The following PATJ variants were observed in gnomAD, a reference collection of about 807,000 sequenced individuals.
The protein encoded by PATJ is inaD-like protein.
A neutral mutation model predicts 224.9 loss-of-function variants in PATJ; 190 were observed. The ratio of observed to expected loss-of-function variants is 0.84; its 90% CI spans 0.75 to 0.95. The LOEUF is 0.95. Ranked by LOEUF, PATJ falls within the 40% of genes least tolerant of loss-of-function variation. PATJ has a pLI of 0.00. For synonymous variants in PATJ, 769 were observed against 820.3 expected, an observed-to-expected ratio of 0.94 and a Z score of 1.07; for missense variants, 2,121 against 2,270.3, an observed-to-expected ratio of 0.93 and a Z score of 1.34.
At chr1:61,821,940 G>A (rs1657353390) in intron 14 of PATJ, among the ~76,000 whole-genome samples, 1 of 152,138 alleles carries the variant, frequency 6.6e-6, no homozygotes, top group Non-Finnish European at 1.5e-5. Flanking sequence ...CTCGACATTG[G>A]CTAGAGTTTC....
chr1:62,059,604 G>A (rs1370277670), intron 31 of PATJ, among the ~76,000 whole-genome samples: 3 of 151,476 alleles, frequency 2.0e-5, no homozygotes, highest in South Asian at 2.1e-4. Context: ...GTGAGAGAGC[G>A]AGACTCCATC....
At chr1:62,100,924 G>A (rs2148832780) in intron 33 of PATJ, among the ~76,000 whole-genome samples, 1 of 152,278 alleles carries the variant, frequency 6.6e-6, no homozygotes, top group East Asian at 1.9e-4. Context: ...AACTTTATCA[G>A]GGGAGGGAGT....
At chr1:61,945,569 A>G (rs1678563145) in intron 27 of PATJ, among the ~76,000 whole-genome samples, 6 of 152,216 alleles carry the variant, frequency 3.9e-5, no homozygotes, top group Admixed American at 3.9e-4. Context: ...GAGCACCCAG[A>G]TTGCTAAAGC....
At chr1:61,887,414 A>G (rs1290398244) in intron 22 of PATJ, among the ~76,000 whole-genome samples, 1 of 152,226 alleles carries the variant, frequency 6.6e-6, no homozygotes. Context: ...TTTACTACTA[A>G]GAGTGATGAA....
intron 27 of PATJ, among the ~76,000 whole-genome samples, chr1:61,932,494 A>G (rs892602717): frequency 7.2e-5 from 11 of 152,204 alleles, no homozygotes; most frequent in Non-Finnish European, 1.3e-4. Flanking sequence ...CTGACCTTCA[A>G]TGGTCAAGGG....
intron 26 of PATJ, among the ~76,000 whole-genome samples, chr1:61,916,830 ATTAGT>A (rs1673517207): frequency 6.6e-6 from 1 of 152,104 alleles, no homozygotes; most frequent in Non-Finnish European, 1.5e-5. Context: ...GGGAATGCTG[ATTAGT>A]TTGGTTGGTG....
chr1:61,855,894 T>G, intron 17 of PATJ, 136 bp from the exon 18 acceptor site: 2 of 654,094 alleles, frequency 3.1e-6, no homozygotes, highest in South Asian at 1.9e-5. Flanking sequence ...TTTACCTGTT[T>G]AGAAGATTAT....
chr1:61,848,962 A>C (rs199939381), intron 17 of PATJ, among the ~76,000 whole-genome samples: 1,870 of 152,314 alleles, frequency 0.012, 42 homozygotes, highest in African/African-American at 0.043. Flanking sequence ...TTACAGAGCT[A>C]ACTATTCATG....
intron 7 of PATJ, among the ~76,000 whole-genome samples, chr1:61,776,941 G>A (rs1219672072): frequency 6.6e-6 from 1 of 151,990 alleles, no homozygotes; most frequent in Non-Finnish European, 1.5e-5. Flanking sequence ...TAGCTATGAT[G>A]GTCTCGATCT....
At chr1:62,073,541 G>A (rs561680780) in intron 31 of PATJ, among the ~76,000 whole-genome samples, 17 of 152,288 alleles carry the variant, frequency 1.1e-4, no homozygotes, top group African/African-American at 4.1e-4. Context: ...GCTGAGGCCT[G>A]AGAATCACTT....
At chr1:62,029,795 T>G (rs1648849102) in intron 29 of PATJ, among the ~76,000 whole-genome samples, 1 of 152,202 alleles carries the variant, frequency 6.6e-6, no homozygotes, top group South Asian at 2.1e-4. Context: ...CCAAATGGCA[T>G]CAGCAAATTC....
intron 41 of PATJ, among the ~76,000 whole-genome samples, chr1:62,142,206 G>A (rs114207603): frequency 0.016 from 2,382 of 152,114 alleles, 55 homozygotes; most frequent in African/African-American, 0.054. Flanking sequence ...AACAGTACCC[G>A]TGTAACTTCC....
intron 42 of PATJ, among the ~76,000 whole-genome samples, chr1:62,151,126 T>G (rs1418579498): frequency 1.4e-5 from 2 of 147,388 alleles, no homozygotes; most frequent in African/African-American, 2.5e-5. Context: ...GCAACAAGAG[T>G]GGAACTCTGT....
intron 26 of PATJ, among the ~76,000 whole-genome samples, chr1:61,918,430 C>T (rs1442860828): frequency 6.6e-6 from 1 of 151,292 alleles, no homozygotes; most frequent in East Asian, 2.0e-4. Flanking sequence ...GCCTCAGCCT[C>T]CCGAGTAGCT....
chr1:62,008,759 AAAT>A (rs1646252416), intron 28 of PATJ, among the ~76,000 whole-genome samples: 1 of 152,196 alleles, frequency 6.6e-6, no homozygotes, highest in African/African-American at 2.4e-5. Context: ...AAAAATAAAT[AAAT>A]AAATAAATAA....
chr1:62,034,593 C>A lies in PATJ; in HGVS notation c.3960-3384C>A, dbSNP rs191959545. ...TAAATGCCTTCTCTCCTTTGGTTGCCGTCTTCCTACTTTTCTCTTTAAAAT... is the reference window on the plus strand; with the variant it reads ...TAAATGCCTTCTCTCCTTTGGTTGCAGTCTTCCTACTTTTCTCTTTAAAAT... On this transcript the variant is annotated intron_variant, in intron 29 of 43. Transcript: ENST00000642238. Among the ~76,000 whole-genome samples the A allele has an allele frequency of 4.7e-4, 71 of 152,234 alleles. No homozygotes were observed. The East Asian group carries it at 5.0e-3, about 11-fold the overall frequency.
intron 18 of PATJ, among the ~76,000 whole-genome samples, chr1:61,856,827 A>G (rs1570925595): frequency 6.6e-6 from 1 of 152,178 alleles, no homozygotes; most frequent in Non-Finnish European, 1.5e-5. Flanking sequence ...TCCTGAGCTC[A>G]GGCAATCTGC....
chr1:61,968,729 G>GC (rs1179520330), intron 27 of PATJ, among the ~76,000 whole-genome samples: 1 of 151,784 alleles, frequency 6.6e-6, no homozygotes, highest in African/African-American at 2.4e-5. Flanking sequence ...CCCACGACAG[G>GC]CCCCCGTGTG....
At chr1:62,039,184 A>C in intron 30 of PATJ, 1 of 515,842 alleles carries the variant, frequency 1.9e-6, no homozygotes, top group Non-Finnish European at 3.7e-6. Context: ...TTGTAGAACT[A>C]CTAAAGTTCC....
Sources: gnomAD v4.1 joint callset for allele counts (sites outside exome capture counted in the v4.1 genomes callset) on GRCh38, gnomAD v4.1.1 for gene constraint, MANE v1.5 for transcripts, NCBI Gene and HGNC (gene_info 2026-07-23, HGNC 2026-07-21) for gene names.